COL24A1: variants seen among roughly 807,000 people sequenced by gnomAD.
The protein encoded by COL24A1 is collagen type XXIV alpha 1 chain, also known as collagen alpha-1(XXIV) chain.
In COL24A1, 224 loss-of-function variants were observed where a neutral mutation model predicts 253.9. The observed-to-expected ratio is 0.88, with a 90% CI of 0.79 to 0.99. The LOEUF (loss-of-function observed/expected upper bound fraction) is 0.99, where lower values mean the gene tolerates loss of function less well. Among genes scored for constraint, COL24A1 ranks in the 50% least tolerant of loss-of-function variants. The pLI is 0.00. For synonymous variants in COL24A1, 685 were observed against 673.7 expected, an observed-to-expected ratio of 1.02 and a Z score of -0.26; for missense variants, 2,131 against 2,068.5, an observed-to-expected ratio of 1.03 and a Z score of -0.59.
chr1:86,006,331 A>C (rs371508398), intron 19 of COL24A1, among the ~76,000 whole-genome samples: 1 of 152,194 alleles, frequency 6.6e-6, no homozygotes, highest in South Asian at 2.1e-4. Context: ...AGCGGAACAG[A>C]ATAGAGAACC....
rs752592028 is a variant in COL24A1, at chr1:86,146,104, A to G, written c.121+15T>C. On this transcript the variant is annotated intron_variant, in intron 2 of 59. Coordinates refer to ENST00000370571, the MANE Select transcript of COL24A1 (RefSeq NM_152890.7). ...TTTTTAAGTAAGCAAATAAATTAAA[A>G]GGTAATTTTCTTACCTTGTTCTTGT... 6.3e-7 allele frequency: 1 copy of G among 1,598,930 alleles called. No individual in the cohort carries two copies. The highest frequency in any genetic ancestry group is 1.1e-5 in the South Asian group (1 of 88,880).
chr1:85,775,181 T>G (rs986882741), intron 53 of COL24A1, among the ~76,000 whole-genome samples: 1 of 152,218 alleles, frequency 6.6e-6, no homozygotes, highest in African/African-American at 2.4e-5. Flanking sequence ...TTGTGCAGTT[T>G]TGAGTGAGAT....
chr1:86,125,519 G>A lies in COL24A1; in HGVS notation c.817C>T (p.Leu273=). Residue 273 remains leucine (L), a synonymous_variant, in exon 3 of 60, where the codon CTA becomes TTA. Transcript: ENST00000370571. ...KIPEHSPPPK[L]FAEKVLSEDT... ...TCTGACAGTACTTTTTCAGCAAATA[G>A]TTTGGGCGGGGGAGAGTGTTCCGGT... 1 of 1,613,614 alleles carries A rather than the reference G, an allele frequency of 6.2e-7. No individual in the cohort carries two copies. Among genetic ancestry groups the A allele is most frequent in the Non-Finnish European group, 8.5e-7 (1 of 1,179,760 alleles).
At chr1:86,094,298 A>T (rs1461261022) in intron 5 of COL24A1, among the ~76,000 whole-genome samples, 1 of 152,168 alleles carries the variant, frequency 6.6e-6, no homozygotes, top group Non-Finnish European at 1.5e-5. Context: ...TACACCATGG[A>T]ATACTATGCA....
chr1:86,135,934 C>G (rs1170284738), intron 2 of COL24A1, among the ~76,000 whole-genome samples: 3 of 152,044 alleles, frequency 2.0e-5, no homozygotes, highest in African/African-American at 4.8e-5. Context: ...TAGAAAGATG[C>G]TGGCAGAAGA....
chr1:85,997,753 C>T (rs1392568412), intron 19 of COL24A1, among the ~76,000 whole-genome samples: 1 of 141,324 alleles, frequency 7.1e-6, no homozygotes, highest in Non-Finnish European at 1.6e-5. Flanking sequence ...TGCACTCCAG[C>T]CTGGCTACAG....
intron 53 of COL24A1, among the ~76,000 whole-genome samples, chr1:85,771,574 G>A (rs1351804154): frequency 1.3e-5 from 2 of 152,144 alleles, no homozygotes; most frequent in Non-Finnish European, 2.9e-5. Flanking sequence ...GTGTGCATGT[G>A]TCTTTATTGT....
At chr1:86,061,271 C>G (rs1701073567) in intron 8 of COL24A1, among the ~76,000 whole-genome samples, 1 of 152,074 alleles carries the variant, frequency 6.6e-6, no homozygotes, top group Non-Finnish European at 1.5e-5. Flanking sequence ...ATGCCCCATC[C>G]AATTCCAAAA....
At chr1:85,816,659 T>C (rs1673071576) in intron 47 of COL24A1, 129 bp downstream of exon 47, 1 of 719,076 alleles carries the variant, frequency 1.4e-6, no homozygotes, top group Non-Finnish European at 2.5e-6. Context: ...GCATAATAGC[T>C]ATTAGAGAAA....
At chr1:86,001,351 T>C (rs1695386724) in intron 19 of COL24A1, among the ~76,000 whole-genome samples, 1 of 152,164 alleles carries the variant, frequency 6.6e-6, no homozygotes, top group Admixed American at 6.5e-5. Flanking sequence ...CTTATGAAGA[T>C]TTGAGTTTCC....
intron 24 of COL24A1, among the ~76,000 whole-genome samples, chr1:85,923,697 A>G (rs1463036922): frequency 6.6e-6 from 1 of 152,230 alleles, no homozygotes; most frequent in Non-Finnish European, 1.5e-5. Flanking sequence ...TTAGAGCACT[A>G]AATGCCCACA....
chr1:86,078,753 TA>T (rs1702428742), intron 7 of COL24A1, among the ~76,000 whole-genome samples: 1 of 151,932 alleles, frequency 6.6e-6, no homozygotes. Flanking sequence ...ACCAAATAAG[TA>T]AAAGATCTCT....
intron 2 of COL24A1, among the ~76,000 whole-genome samples, chr1:86,142,117 T>C (rs1035546596): frequency 5.3e-5 from 8 of 151,402 alleles, no homozygotes; most frequent in Admixed American, 4.6e-4. Context: ...AGAAGAAAAG[T>C]TGAAAAAATC....
At chr1:86,035,269 T>C (rs879815190) in intron 12 of COL24A1, among the ~76,000 whole-genome samples, 4 of 152,174 alleles carry the variant, frequency 2.6e-5, no homozygotes, top group Admixed American at 2.6e-4. Context: ...AGTCAAATTT[T>C]CTTGTCAACA....
At chr1:85,946,819 G>A (rs181497122) in intron 24 of COL24A1, among the ~76,000 whole-genome samples, 76 of 152,222 alleles carry the variant, frequency 5.0e-4, no homozygotes, top group African/African-American at 1.7e-3. Context: ...ATGGCAGTTT[G>A]TTTAATTTTC....
intron 53 of COL24A1, among the ~76,000 whole-genome samples, chr1:85,765,364 A>G (rs1000100810): frequency 2.0e-5 from 3 of 150,764 alleles, no homozygotes; most frequent in African/African-American, 4.9e-5. Context: ...TTTTTTTATT[A>G]TTTCTATAGC....
chr1:86,093,343 A>G (rs1703646100), intron 5 of COL24A1, among the ~76,000 whole-genome samples: 1 of 152,024 alleles, frequency 6.6e-6, no homozygotes. Context: ...AATGTTCTGT[A>G]TATGGCTAGC....
rs116034003 is a variant in COL24A1, at chr1:86,080,633, C to T, written c.1707+8541G>A. On this transcript the variant is annotated intron_variant, in intron 7 of 59. Transcript: ENST00000370571. ...CAAGAATTCCAATAATAAATGAAGCCTATAATCTAATTTTATATAGACTTC... is the reference window on the plus strand; with the variant it reads ...CAAGAATTCCAATAATAAATGAAGCTTATAATCTAATTTTATATAGACTTC... 3.7e-3 allele frequency among the ~76,000 whole-genome samples: 557 copies of T among 151,936 alleles called. 2 individuals carry two copies. Among genetic ancestry groups the T allele is most frequent in the African/African-American group, 0.013 (535 of 41,482 alleles).
intron 47 of COL24A1, among the ~76,000 whole-genome samples, chr1:85,796,046 C>T (rs889640639): frequency 3.9e-5 from 6 of 152,050 alleles, no homozygotes; most frequent in East Asian, 1.9e-4. Context: ...ATTTTCCTGC[C>T]GTGCCAATCA....
Sources: gnomAD v4.1 joint callset for allele counts (sites outside exome capture counted in the v4.1 genomes callset) on GRCh38, gnomAD v4.1.1 for gene constraint, MANE v1.5 for transcripts, NCBI Gene and HGNC (gene_info 2026-07-23, HGNC 2026-07-21) for gene names.